Variants in NAV2 observed in about 807,000 individuals in gnomAD.
The protein encoded by NAV2 is helicase, APC down-regulated 1.
Under a neutral mutation model 223.2 loss-of-function variants are expected in NAV2, and 54 were observed. That is an observed-to-expected ratio of 0.24 (90% CI 0.19 to 0.30). The LOEUF (loss-of-function observed/expected upper bound fraction) is 0.30, where lower values mean the gene tolerates loss of function less well. Ranked by LOEUF, NAV2 falls within the 10% of genes least tolerant of loss-of-function variation. NAV2 has a pLI of 1.00. For synonymous variants in NAV2, 1,279 were observed against 1,239.3 expected (o/e 1.03, Z -0.67); for missense variants, 2,806 against 3,147.5 (o/e 0.89, Z 2.60).
chr11:19,626,259 TCC>T (rs780942725), intron 1 of NAV2, among the ~76,000 whole-genome samples: 1 of 152,328 alleles, frequency 6.6e-6, no homozygotes. Flanking sequence ...TATCCAGTTT[TCC>T]CAACACCATT....
chr11:19,556,676 A>G (rs757809305), intron 1 of NAV2, among the ~76,000 whole-genome samples: 2 of 152,268 alleles, frequency 1.3e-5, no homozygotes, highest in Non-Finnish European at 2.9e-5. Flanking sequence ...AACACGATCT[A>G]GCAGAAGATC....
intron 19 of NAV2, chr11:20,056,751 T>A (rs1030647884): frequency 1.0e-5 from 7 of 681,412 alleles, no homozygotes; most frequent in African/African-American, 1.8e-5. Flanking sequence ...CTAGCAGAGT[T>A]TAAATTCCAG....
intron 1 of NAV2, among the ~76,000 whole-genome samples, chr11:19,800,940 G>A (rs2058215645): frequency 6.6e-6 from 1 of 152,138 alleles, no homozygotes; most frequent in African/African-American, 2.4e-5. Context: ...CTTACCTCAG[G>A]ACCCAGATGT....
intron 3 of NAV2, among the ~76,000 whole-genome samples, chr11:19,848,662 A>G (rs926192689): frequency 6.6e-6 from 1 of 152,210 alleles, no homozygotes; most frequent in African/African-American, 2.4e-5. Flanking sequence ...GACAATCTAC[A>G]TGAAGTGCTG....
Position 19,713,337 on chromosome 11 carries a change from T to C in NAV2, c.-359T>C, listed in dbSNP as rs1477358125. The C allele has an allele frequency of 1.8e-6, 2 of 1,099,340 alleles. No individual in the cohort carries two copies. The highest frequency in any genetic ancestry group is 1.1e-4 in the East Asian group (2 of 18,506). 68.1% of individuals were successfully genotyped at this position (1,099,340 alleles called of 1,614,324 possible). On this transcript the variant is annotated 5_prime_UTR_variant, in exon 1 of 38. Transcript: ENST00000349880. The surrounding 1 kb of genome is among the most constrained non-coding windows in gnomAD (Gnocchi z 7.2). The stretch of plus-strand genomic sequence containing the variant: ...TCACTTCGGAGATGCAGTGACAAGT[T>C]AATATGGGCGTCCAAGCCTCTGTTT...
chr11:19,379,716 T>G (rs1035731968), intron 1 of NAV2, among the ~76,000 whole-genome samples: 2 of 152,210 alleles, frequency 1.3e-5, no homozygotes, highest in African/African-American at 4.8e-5. Flanking sequence ...CAGGTCTTTC[T>G]CTATTTCACG....
intron 1 of NAV2, among the ~76,000 whole-genome samples, chr11:19,562,140 T>C (rs1425184848): frequency 3.9e-5 from 6 of 152,190 alleles, no homozygotes; most frequent in African/African-American, 1.4e-4. Flanking sequence ...AAGGATTAAC[T>C]AGTAAAAATA....
chr11:20,083,385 A>G (rs1389722395), intron 26 of NAV2, among the ~76,000 whole-genome samples: 2 of 152,234 alleles, frequency 1.3e-5, no homozygotes, highest in East Asian at 1.9e-4. Flanking sequence ...GATGGTGTCA[A>G]TATCCATAAC....
Position 19,665,058 on chromosome 11 carries a change from C to T in NAV2, c.76-167426C>T, listed in dbSNP as rs575404577. Among the ~76,000 whole-genome samples the T allele has an allele frequency of 5.9e-5, 9 of 152,286 alleles. 1 individual carries two copies. The South Asian group carries it at 1.5e-3, about 25-fold the overall frequency. ...AAGCCAAGGATTTTATCACTTATGT[C>T]GCATTTCCTGTGGGGGTTGGAGAGG... On this transcript the variant is annotated intron_variant, in intron 1 of 37. Transcript: ENST00000360655.
chr11:19,563,110 A>G (rs1156715867), intron 1 of NAV2, among the ~76,000 whole-genome samples: 1 of 152,252 alleles, frequency 6.6e-6, no homozygotes, highest in Non-Finnish European at 1.5e-5. Flanking sequence ...AGGAAAACAA[A>G]AGAAATACAA....
intron 10 of NAV2, among the ~76,000 whole-genome samples, chr11:19,962,593 C>T (rs2048428981): frequency 6.6e-6 from 1 of 152,170 alleles, no homozygotes; most frequent in Admixed American, 6.5e-5. Flanking sequence ...TCTATGCCTG[C>T]CTTGGAAGAA....
At chr11:19,616,773 C>T (rs77222809) in intron 1 of NAV2, among the ~76,000 whole-genome samples, 1 of 151,984 alleles carries the variant, frequency 6.6e-6, no homozygotes, top group African/African-American at 2.4e-5. Flanking sequence ...AAGATGGGTT[C>T]CTTTTTCCTT....
At chr11:19,348,807 C>G (rs1300692848), upstream of NAV2, among the ~76,000 whole-genome samples, 2 of 152,206 alleles carry the variant, frequency 1.3e-5, no homozygotes, top group Admixed American at 1.3e-4. Flanking sequence ...GATTAAGTTA[C>G]TGGCTCAGGG....
At chr11:19,443,377 T>TG (rs1851471965) in intron 1 of NAV2, among the ~76,000 whole-genome samples, 1 of 152,214 alleles carries the variant, frequency 6.6e-6, no homozygotes, top group Non-Finnish European at 1.5e-5. Context: ...GTTGGACCAA[T>TG]GAGAAGGAAG....
intron 1 of NAV2, among the ~76,000 whole-genome samples, chr11:19,641,848 T>C (rs561210049): frequency 7.4e-4 from 113 of 152,236 alleles, no homozygotes; most frequent in African/African-American, 2.6e-3. Flanking sequence ...CTTTGTCTAT[T>C]TCCTTTCTGG....
chr11:19,643,090 A>G (rs988138546), intron 1 of NAV2, among the ~76,000 whole-genome samples: 2 of 152,138 alleles, frequency 1.3e-5, no homozygotes, highest in Admixed American at 6.5e-5. Flanking sequence ...GGGAATCACT[A>G]TGGTTTTGAG....
At chr11:19,490,878 T>C (rs1352633104) in intron 1 of NAV2, among the ~76,000 whole-genome samples, 1 of 152,226 alleles carries the variant, frequency 6.6e-6, no homozygotes, top group Non-Finnish European at 1.5e-5. Context: ...ATAATAAGGC[T>C]TCAAAGTTGT....
At chr11:19,844,400 C>T (rs553502012) in intron 3 of NAV2, among the ~76,000 whole-genome samples, 1 of 152,270 alleles carries the variant, frequency 6.6e-6, no homozygotes, top group South Asian at 2.1e-4. Flanking sequence ...ATTCTAAGCA[C>T]CTTCTATTGG....
chr11:19,519,281 A>C (rs1340282870), intron 1 of NAV2, among the ~76,000 whole-genome samples: 1 of 151,754 alleles, frequency 6.6e-6, no homozygotes, highest in Non-Finnish European at 1.5e-5. Flanking sequence ...GCCTGGATAA[A>C]ATGATGAACA....
Sources: gnomAD v4.1 joint callset for allele counts (sites outside exome capture counted in the v4.1 genomes callset) on GRCh38, gnomAD v4.1.1 for gene constraint, Gnocchi (gnomAD v3.1) non-coding constraint, MANE v1.5 for transcripts, NCBI Gene and HGNC (gene_info 2026-07-23, HGNC 2026-07-21) for gene names.